The following EFR3B variants were observed in gnomAD, a reference collection of about 807,000 sequenced individuals.
EFR3B encodes the protein protein EFR3 homolog B.
In EFR3B, 64 loss-of-function variants were observed where a neutral mutation model predicts 104.7. That is an observed-to-expected ratio of 0.61 (90% CI 0.50 to 0.75). EFR3B has a LOEUF of 0.75. Among genes scored for constraint, EFR3B ranks in the 30% least tolerant of loss-of-function variants. The pLI is 0.00. For missense variants in EFR3B, 750 were observed against 1,078.5 expected (o/e 0.70, Z 4.27); for synonymous variants, 385 against 417.9 (o/e 0.92, Z 0.96).
At chr2:25,102,849 GA>G (rs1018464088) in intron 3 of EFR3B, among the ~76,000 whole-genome samples, 24 of 150,088 alleles carry the variant, frequency 1.6e-4, no homozygotes, top group East Asian at 3.9e-4. Flanking sequence ...TCATAAGGAG[GA>G]AAAAAAAAAT....
At chr2:25,107,219 G>A (rs1669589112) in intron 4 of EFR3B, among the ~76,000 whole-genome samples, 1 of 152,130 alleles carries the variant, frequency 6.6e-6, no homozygotes. Flanking sequence ...CAGCCTCTGT[G>A]CAGATAGCCC....
At chr2:25,096,359 C>G (rs1248267045) in intron 3 of EFR3B, among the ~76,000 whole-genome samples, 1 of 152,140 alleles carries the variant, frequency 6.6e-6, no homozygotes, top group Non-Finnish European at 1.5e-5. Context: ...TCTCCTCTAG[C>G]CTTTCTCCTG....
intron 1 of EFR3B, among the ~76,000 whole-genome samples, chr2:25,067,467 C>T (rs1211202173): frequency 6.7e-6 from 1 of 150,138 alleles, no homozygotes; most frequent in Admixed American, 6.7e-5. Context: ...TAGAGTCTCA[C>T]TCTGTTGCCC....
In EFR3B at chr2:25,134,304, A is replaced by G. The variant is rs530878288; in HGVS notation, c.1311+870A>G. ...AAGTGATTCTTGAGTAGCTGGGATT[A>G]CAGGCGCATGCCACCACCACGCCTA... On this transcript the variant is annotated intron_variant, in intron 12 of 22. Coordinates refer to ENST00000403714, the MANE Select transcript of EFR3B (RefSeq NM_014971.2). Among the ~76,000 whole-genome samples the G allele has an allele frequency of 1.1e-4, 17 of 151,892 alleles. No individual in the cohort carries two copies. In the South Asian group the frequency reaches 3.5e-3, roughly 31 times the overall value.
chr2:25,115,592 T>A (rs866035550), intron 4 of EFR3B, among the ~76,000 whole-genome samples: 2 of 152,238 alleles, frequency 1.3e-5, no homozygotes, highest in Admixed American at 6.5e-5. Flanking sequence ...CGTTACCTTA[T>A]ATGGAAACAG....
At chr2:25,079,641 G>A (rs1668734418) in intron 1 of EFR3B, among the ~76,000 whole-genome samples, 1 of 152,090 alleles carries the variant, frequency 6.6e-6, no homozygotes, top group Admixed American at 6.6e-5. Context: ...ATAATAAACA[G>A]ACATATTGCA....
rs1229284876 is a variant in EFR3B, at chr2:25,131,347, C to T, written c.850-21C>T. On this transcript the variant is annotated intron_variant, in intron 8 of 22. Coordinates refer to ENST00000403714, the MANE Select transcript of EFR3B (RefSeq NM_014971.2). This position sits in a 1 kb window ranked among gnomAD's most constrained non-coding sequence, Gnocchi z 7.6. ...ACCCCGTGGGGTTGCTGTCCAGGCC[C>T]AGCTCATCTTCCTCCCGCAGCCGCA... is the stretch of plus-strand genomic sequence containing the variant. 30 of 1,548,598 alleles carry T rather than the reference C, an allele frequency of 1.9e-5. No homozygotes were observed. The highest frequency in any genetic ancestry group is 8.2e-5 in the African/African-American group (6 of 73,020).
At chr2:25,046,785 G>A (rs1026754762) in intron 1 of EFR3B, among the ~76,000 whole-genome samples, 2 of 152,126 alleles carry the variant, frequency 1.3e-5, no homozygotes, top group Non-Finnish European at 2.9e-5. Flanking sequence ...TTACAGGCGT[G>A]AGCCACCGCG....
intron 3 of EFR3B, among the ~76,000 whole-genome samples, chr2:25,096,712 C>T (rs187111856): frequency 2.0e-5 from 3 of 152,188 alleles, no homozygotes; most frequent in African/African-American, 7.2e-5. Flanking sequence ...CCTCCCCCTG[C>T]AGCTGCCCAT....
In EFR3B at chr2:25,107,864, G is replaced by GA. The variant is rs1196384026; in HGVS notation, c.363+4078dup. On this transcript the variant is annotated intron_variant, in intron 4 of 22. Coordinates refer to ENST00000403714, the MANE Select transcript of EFR3B (RefSeq NM_014971.2). ...TTTTTTATTTTATTTTTATTTTTGA[G>GA]ATGGGGTCTCCCTCTGTTGCCCAGT... 2.7e-5 allele frequency among the ~76,000 whole-genome samples: 4 copies of GA among 149,324 alleles called. 1 individual carries two copies. Among genetic ancestry groups the GA allele is most frequent in the Non-Finnish European group, 3.0e-5 (2 of 67,622 alleles).
intron 2 of EFR3B, 21 bp downstream of exon 2, chr2:25,091,422 G>T: frequency 6.5e-7 from 1 of 1,543,056 alleles, no homozygotes; most frequent in Non-Finnish European, 8.7e-7. Flanking sequence ...TCTCTGGCAG[G>T]CATCGTGGCT....
chr2:25,067,425 TG>T (rs1401404775), intron 1 of EFR3B, among the ~76,000 whole-genome samples: 63 of 143,016 alleles, frequency 4.4e-4, no homozygotes, highest in African/African-American at 1.0e-3. Flanking sequence ...TTTTAGTTTT[TG>T]TTTTTTTTTT....
At chr2:25,056,657 C>T (rs1386443468) in intron 1 of EFR3B, among the ~76,000 whole-genome samples, 1 of 152,006 alleles carries the variant, frequency 6.6e-6, no homozygotes, top group Non-Finnish European at 1.5e-5. Context: ...TTGCTGTCAT[C>T]CAGCTCCTAA....
intron 5 of EFR3B, among the ~76,000 whole-genome samples, chr2:25,125,775 T>C (rs13419393): frequency 0.035 from 5,347 of 152,212 alleles, 285 homozygotes; most frequent in African/African-American, 0.12. Context: ...GGTGAAACCC[T>C]GTCTCTACTA....
Position 25,136,531 on chromosome 2 carries a change from G to A in EFR3B, c.1493G>A (p.Ser498Asn), listed in dbSNP as rs1467807462. The stretch of plus-strand genomic sequence containing the variant: ...TTTGCATCCCTTCCCAGTACCCTCA[G>A]TGACATCTCTGTCCTGAAGCTGAAA... ...RHKFSTISTL[S>N]DISVLKLKVD... The change falls in exon 14 of 23, where the codon AGT becomes AAT. Residue 498 changes from serine (S) to asparagine (N), a missense_variant. Physicochemically the swap from Ser to Asn is conservative, Grantham distance 46. Coordinates refer to ENST00000403714, the MANE Select transcript of EFR3B (RefSeq NM_014971.2). This position sits in a 1 kb window ranked among gnomAD's most constrained non-coding sequence, Gnocchi z 4.0. The A allele has an allele frequency of 6.4e-7, 1 of 1,551,508 alleles. No homozygotes were observed. The highest frequency in any genetic ancestry group is 8.7e-7 in the Non-Finnish European group (1 of 1,146,924).
rs1446424272 is a variant in EFR3B, at chr2:25,049,696, G to A, written c.7+7377G>A. ...TGAGGGGCAGAGAAGGGAGGCAGGT[G>A]TGGCTGGTGGAGGCACCAATGTGAG... On this transcript the variant is annotated intron_variant, in intron 1 of 22. Transcript: ENST00000403714. 2.0e-5 allele frequency among the ~76,000 whole-genome samples: 3 copies of A among 152,192 alleles called. No individual in the cohort carries two copies. In the East Asian group the frequency reaches 5.8e-4, roughly 29 times the overall value.
chr2:25,116,442 G>A (rs1384440736), intron 4 of EFR3B, among the ~76,000 whole-genome samples: 1 of 152,032 alleles, frequency 6.6e-6, no homozygotes, highest in Non-Finnish European at 1.5e-5. Context: ...TGGTCAACAT[G>A]GCAAAACCCC....
chr2:25,060,936 A>AAACAAC (rs59058259), intron 1 of EFR3B, among the ~76,000 whole-genome samples: 9 of 150,430 alleles, frequency 6.0e-5, no homozygotes, highest in South Asian at 4.3e-4. Flanking sequence ...ACAAACAAAC[A>AAACAAC]AACAACAACA....
At chr2:25,045,872 G>A (rs1421158573) in intron 1 of EFR3B, among the ~76,000 whole-genome samples, 2 of 152,118 alleles carry the variant, frequency 1.3e-5, no homozygotes, top group East Asian at 3.9e-4. Flanking sequence ...GTGAAACAGA[G>A]CTCTGAGAAA....
Sources: allele counts gnomAD v4.1 joint callset (sites outside exome capture counted in the v4.1 genomes callset), GRCh38; gene constraint gnomAD v4.1.1; non-coding constraint Gnocchi (gnomAD v3.1); transcripts MANE v1.5; gene names NCBI Gene and HGNC (gene_info 2026-07-23, HGNC 2026-07-21).